SCML2: variants seen among roughly 807,000 people sequenced by gnomAD.
SCML2 encodes sex comb on midleg-like protein 2.
A neutral mutation model predicts 48.4 loss-of-function variants in SCML2; 6 were observed. The ratio of observed to expected loss-of-function variants is 0.12; its 90% CI spans 0.07 to 0.24. SCML2 has a LOEUF of 0.24. Among genes scored for constraint, SCML2 ranks in the 10% least tolerant of loss-of-function variants. The probability of loss-of-function intolerance (pLI) is 1.00; values close to 1 mark genes in which losing one functional copy is unlikely to be tolerated. For synonymous variants in SCML2, 181 were observed against 189.5 expected, an observed-to-expected ratio of 0.95 and a Z score of 0.37; for missense variants, 377 against 528.2, an observed-to-expected ratio of 0.71 and a Z score of 2.81.
rs778155379 is a variant in SCML2, at chrX:18,239,760, A to AT, written c.*1490dup. On this transcript the variant is annotated 3_prime_UTR_variant, in exon 15 of 15. Coordinates refer to ENST00000251900, the MANE Select transcript of SCML2 (RefSeq NM_006089.3). ...GGTGGCTCATGCCTGTAATCCCAGCATTTTGCAAGGCCGAGGTGGGCGGAT... is the reference window on the plus strand; with the variant it reads ...GGTGGCTCATGCCTGTAATCCCAGCATTTTTGCAAGGCCGAGGTGGGCGGAT... 8.9e-6 allele frequency: 1 copy of AT among 112,128 alleles called. No homozygotes were observed. The highest frequency in any genetic ancestry group is 3.3e-5 in the African/African-American group (1 of 30,767). The allele number at this position is 112,128 out of a possible 1,213,427, so 9.2% of individuals were successfully genotyped here.
intron 6 of SCML2, 93 bp downstream of exon 6, chrX:18,320,239 A>G (rs1009459500): frequency 4.0e-6 from 2 of 503,246 alleles, no homozygotes; most frequent in Non-Finnish European, 6.3e-6. Flanking sequence ...TTTTAAAAGT[A>G]TGTTTGCTTT....
Position 18,351,674 on chromosome X carries a change from CA to C in SCML2, c.-25+2917del, listed in dbSNP as rs58429855. On this transcript the variant is annotated intron_variant, in intron 1 of 14. Coordinates refer to ENST00000251900, the MANE Select transcript of SCML2 (RefSeq NM_006089.3). ...AAAAATGGCAGACAGAATAACCAGG[CA>C]AAAAAAAAAAAAAGACTAGAGGTGA... Among the ~76,000 whole-genome samples the C allele has an allele frequency of 1.1e-3, 85 of 80,501 alleles. 1 individual carries two copies. The highest frequency in any genetic ancestry group is 8.0e-4 in the East Asian group (2 of 2,509). 69.9% of individuals were successfully genotyped at this position (80,501 alleles called of 115,157 possible). A position where few individuals can be genotyped will look rare whatever the true frequency, so the allele number is the denominator to read the frequency against.
intron 1 of SCML2, among the ~76,000 whole-genome samples, chrX:18,337,746 A>C (rs1929879187): frequency 8.9e-6 from 1 of 112,005 alleles, no homozygotes; most frequent in African/African-American, 3.2e-5. Context: ...AGTTGAACTC[A>C]ACATCATCAG....
intron 1 of SCML2, among the ~76,000 whole-genome samples, chrX:18,354,118 G>A (rs1429073403): frequency 1.8e-5 from 2 of 112,573 alleles, no homozygotes; most frequent in Non-Finnish European, 1.9e-5. Context: ...CGCCGCCACA[G>A]GCGCATCCTT....
intron 7 of SCML2, 35 bp from the exon 8 acceptor site, chrX:18,265,837 T>C: frequency 9.6e-7 from 1 of 1,039,775 alleles, no homozygotes. Flanking sequence ...TTAAAGTAAA[T>C]GACACAATTA....
chrX:18,256,106 G>A (rs879173615), intron 11 of SCML2, among the ~76,000 whole-genome samples: 2 of 111,459 alleles, frequency 1.8e-5, no homozygotes, highest in African/African-American at 3.3e-5. Context: ...TTCAGGCATC[G>A]GTTTGGGGTT....
intron 7 of SCML2, among the ~76,000 whole-genome samples, chrX:18,288,454 A>C (rs1928128610): frequency 9.0e-6 from 1 of 111,658 alleles, no homozygotes; most frequent in African/African-American, 3.2e-5. Context: ...AGAAAAAAAA[A>C]CATTTTTATG....
intron 2 of SCML2, among the ~76,000 whole-genome samples, chrX:18,332,709 TCA>T (rs759181529): frequency 1.2e-3 from 134 of 111,770 alleles, no homozygotes; most frequent in Non-Finnish European, 2.0e-3. Flanking sequence ...ATGTGACAGC[TCA>T]CACCTGTAAT....
At chrX:18,274,866 C>T (rs1927577269) in intron 7 of SCML2, among the ~76,000 whole-genome samples, 1 of 111,590 alleles carries the variant, frequency 9.0e-6, no homozygotes, top group South Asian at 3.8e-4. Context: ...CAACACAGAC[C>T]TTTAGTCTGA....
intron 1 of SCML2, among the ~76,000 whole-genome samples, chrX:18,338,112 C>A (rs1452285623): frequency 1.8e-5 from 2 of 111,571 alleles, no homozygotes; most frequent in Admixed American, 9.6e-5. Flanking sequence ...GAAAGCAGTA[C>A]TTAGAAGGAA....
chrX:18,347,703 G>A, intron 1 of SCML2, among the ~76,000 whole-genome samples: 1 of 73,018 alleles, frequency 1.4e-5, no homozygotes, highest in Non-Finnish European at 2.4e-5. Context: ...CAGCCTGGGT[G>A]ACAGAGCAAG....
intron 7 of SCML2, among the ~76,000 whole-genome samples, chrX:18,290,633 T>C (rs1928202976): frequency 9.0e-6 from 1 of 111,651 alleles, no homozygotes; most frequent in African/African-American, 3.2e-5. Flanking sequence ...GGGGCAAACT[T>C]TTAAAAGAAT....
At chrX:18,325,390 A>T (rs1022068439) in intron 3 of SCML2, among the ~76,000 whole-genome samples, 2 of 111,921 alleles carry the variant, frequency 1.8e-5, no homozygotes, top group Non-Finnish European at 1.9e-5. Context: ...CTTCTTTGTT[A>T]TTCATGGGGA....
intron 1 of SCML2, among the ~76,000 whole-genome samples, chrX:18,349,016 G>C (rs1262895047): frequency 1.8e-5 from 2 of 112,335 alleles, no homozygotes; most frequent in Non-Finnish European, 3.8e-5. Flanking sequence ...GGAGCTGTTT[G>C]TCTATAATTC....
chrX:18,323,669 T>G (rs1357410160), intron 5 of SCML2, among the ~76,000 whole-genome samples, 190 bp downstream of exon 5: 4 of 111,540 alleles, frequency 3.6e-5, no homozygotes, highest in African/African-American at 1.3e-4. Context: ...ATATGCCAAA[T>G]ATGTACTTAA....
At chrX:18,282,992 CA>C in intron 7 of SCML2, among the ~76,000 whole-genome samples, 1 of 110,084 alleles carries the variant, frequency 9.1e-6, no homozygotes, top group East Asian at 2.9e-4. Flanking sequence ...AGAGACATGA[CA>C]AAGAAAAAAA....
chrX:18,348,165 T>C (rs900428591), intron 1 of SCML2, among the ~76,000 whole-genome samples: 19 of 112,328 alleles, frequency 1.7e-4, no homozygotes, highest in African/African-American at 6.1e-4. Context: ...AGCTACAGGC[T>C]AACTGCCCAA....
intron 7 of SCML2, among the ~76,000 whole-genome samples, chrX:18,266,541 A>G (rs749523094): frequency 8.9e-6 from 1 of 112,101 alleles, no homozygotes; most frequent in African/African-American, 3.2e-5. Flanking sequence ...TATGTTTAGT[A>G]TTAATTCCTT....
At chrX:18,319,552 G>A (rs186274013) in intron 6 of SCML2, among the ~76,000 whole-genome samples, 241 of 97,249 alleles carry the variant, frequency 2.5e-3, no homozygotes, top group Non-Finnish European at 4.1e-3. Flanking sequence ...AGCCAAAATC[G>A]TGCCACTGTA....
Sources: allele counts gnomAD v4.1 joint callset (sites outside exome capture counted in the v4.1 genomes callset), GRCh38; gene constraint gnomAD v4.1.1; transcripts MANE v1.5; gene names NCBI Gene and HGNC (gene_info 2026-07-23, HGNC 2026-07-21).